KCNAB1: variants seen among roughly 807,000 people sequenced by gnomAD.
KCNAB1 encodes the protein potassium voltage-gated channel subfamily A regulatory beta subunit 1, also known as voltage-gated potassium channel subunit beta-1.
Under a neutral mutation model 64.6 loss-of-function variants are expected in KCNAB1, and 35 were observed. That is an observed-to-expected ratio of 0.54 (90% CI 0.41 to 0.72). KCNAB1 has a LOEUF of 0.72. Among genes scored for constraint, KCNAB1 ranks in the 30% least tolerant of loss-of-function variants. KCNAB1 has a pLI of 0.00. For missense variants in KCNAB1, 401 were observed against 512.9 expected (o/e 0.78, Z 2.11); for synonymous variants, 177 against 183.8 (o/e 0.96, Z 0.30).
At chr3:156,147,949 A>G (rs1715138974) in intron 1 of KCNAB1, among the ~76,000 whole-genome samples, 1 of 137,880 alleles carries the variant, frequency 7.3e-6, no homozygotes, top group South Asian at 2.7e-4. Flanking sequence ...AGACACACAC[A>G]CACACACACA....
chr3:156,432,553 G>A (rs975593828), intron 2 of KCNAB1, among the ~76,000 whole-genome samples: 1 of 152,188 alleles, frequency 6.6e-6, no homozygotes, highest in South Asian at 2.1e-4. Context: ...ATAATTATAG[G>A]AAATGGGTGA....
chr3:156,242,869 T>G (rs1385619385), intron 1 of KCNAB1, among the ~76,000 whole-genome samples: 1 of 151,740 alleles, frequency 6.6e-6, no homozygotes, highest in East Asian at 1.9e-4. Flanking sequence ...AGATGTCTGA[T>G]CATCCTTGAT....
intron 1 of KCNAB1, among the ~76,000 whole-genome samples, chr3:156,248,233 C>T (rs1238843415): frequency 1.3e-5 from 2 of 152,162 alleles, no homozygotes; most frequent in Admixed American, 6.5e-5. Flanking sequence ...TTACTAATTG[C>T]AATGTAGCAT....
At chr3:156,124,490 T>G (rs13066628) in intron 1 of KCNAB1, among the ~76,000 whole-genome samples, 1 of 152,160 alleles carries the variant, frequency 6.6e-6, no homozygotes, top group African/African-American at 2.4e-5. Flanking sequence ...GAGCTGGAAT[T>G]ACAGGTGTGA....
At chr3:156,276,420 C>T (rs1028745535) in intron 1 of KCNAB1, among the ~76,000 whole-genome samples, 1 of 152,062 alleles carries the variant, frequency 6.6e-6, no homozygotes, top group African/African-American at 2.4e-5. Flanking sequence ...GCTGCATTAG[C>T]CCCTATTAAG....
chr3:156,168,756 A>G (rs1198924319), intron 1 of KCNAB1, among the ~76,000 whole-genome samples: 10 of 152,226 alleles, frequency 6.6e-5, no homozygotes, highest in African/African-American at 2.4e-4. Context: ...TCTTTTTAGG[A>G]CAGCAGAATT....
chr3:156,468,981 G>T (rs1713650973), intron 7 of KCNAB1, among the ~76,000 whole-genome samples: 1 of 152,224 alleles, frequency 6.6e-6, no homozygotes, highest in East Asian at 1.9e-4. Context: ...AATAACTCAA[G>T]TCAGCTTACA....
At chr3:156,371,021 T>C (rs1726268626) in intron 1 of KCNAB1, among the ~76,000 whole-genome samples, 1 of 152,208 alleles carries the variant, frequency 6.6e-6, no homozygotes, top group African/African-American at 2.4e-5. Flanking sequence ...CTGTGTTCCA[T>C]GGTACAAACC....
intron 13 of KCNAB1, among the ~76,000 whole-genome samples, chr3:156,533,434 A>G (rs1364981777): frequency 1.3e-5 from 2 of 152,178 alleles, no homozygotes; most frequent in Non-Finnish European, 2.9e-5. Context: ...ACTGCCAGCT[A>G]AGGCCAATGT....
intron 1 of KCNAB1, among the ~76,000 whole-genome samples, chr3:156,390,608 A>G (rs1040902997): frequency 6.7e-6 from 1 of 149,896 alleles, no homozygotes; most frequent in Non-Finnish European, 1.5e-5. Context: ...CTTGAGACGG[A>G]GTCTCGCTCT....
At chr3:156,154,025 T>C (rs1363442038) in intron 1 of KCNAB1, among the ~76,000 whole-genome samples, 1 of 152,206 alleles carries the variant, frequency 6.6e-6, no homozygotes, top group East Asian at 1.9e-4. Flanking sequence ...GTAACATAGA[T>C]TTCTCATTGT....
At chr3:156,474,481 C>G (rs1388710537) in intron 7 of KCNAB1, among the ~76,000 whole-genome samples, 1 of 152,104 alleles carries the variant, frequency 6.6e-6, no homozygotes, top group African/African-American at 2.4e-5. Flanking sequence ...GAAGGTCATT[C>G]CTAAGTGTAT....
At chr3:156,260,184 G>A (rs1342664883) in intron 1 of KCNAB1, among the ~76,000 whole-genome samples, 1 of 152,104 alleles carries the variant, frequency 6.6e-6, no homozygotes, top group African/African-American at 2.4e-5. Flanking sequence ...TGCTTCTGAC[G>A]TGTAAAGGAA....
intron 1 of KCNAB1, chr3:156,382,271 G>T (rs1012814744): frequency 1.3e-5 from 2 of 152,090 alleles, no homozygotes; most frequent in African/African-American, 2.4e-5. Context: ...ATCACCTGAG[G>T]TCGGGAGTTT....
intron 1 of KCNAB1, among the ~76,000 whole-genome samples, chr3:156,158,533 T>C (rs1715891813): frequency 6.6e-6 from 1 of 151,778 alleles, no homozygotes; most frequent in African/African-American, 2.4e-5. Context: ...ATATAACTTG[T>C]TTTTTTTGCA....
At chr3:156,391,759 C>T (rs971559282) in intron 1 of KCNAB1, among the ~76,000 whole-genome samples, 2 of 152,138 alleles carry the variant, frequency 1.3e-5, no homozygotes, top group African/African-American at 2.4e-5. Flanking sequence ...CTTCACATCT[C>T]CCTGAAAGTA....
Position 156,269,785 on chromosome 3 carries a change from A to G in KCNAB1, c.275+148899A>G, listed in dbSNP as rs561465810. ...AAGTTATTTTGTCTGATACAGGTGTAGCTACTCTTGCTCTTTTTTGGTTTC... is the reference window on the plus strand; with the variant it reads ...AAGTTATTTTGTCTGATACAGGTGTGGCTACTCTTGCTCTTTTTTGGTTTC... On this transcript the variant is annotated intron_variant, in intron 1 of 13. Transcript: ENST00000490337. Among the ~76,000 whole-genome samples the G allele has an allele frequency of 4.3e-4, 66 of 152,120 alleles. 1 individual carries two copies. In the South Asian group the frequency reaches 5.4e-3, roughly 12 times the overall value.
At chr3:156,356,267 A>G (rs1310680794) in intron 1 of KCNAB1, among the ~76,000 whole-genome samples, 2 of 152,204 alleles carry the variant, frequency 1.3e-5, no homozygotes, top group South Asian at 2.1e-4. Context: ...GTCATAATGC[A>G]TAACTTATGG....
chr3:156,282,185 C>G (rs1719767595), intron 1 of KCNAB1, among the ~76,000 whole-genome samples: 1 of 145,926 alleles, frequency 6.9e-6, no homozygotes, highest in Non-Finnish European at 1.5e-5. Flanking sequence ...TCGTTGGTTT[C>G]AAAGAACATC....
Sources: allele counts gnomAD v4.1 joint callset (sites outside exome capture counted in the v4.1 genomes callset), GRCh38; gene constraint gnomAD v4.1.1; transcripts MANE v1.5; gene names NCBI Gene and HGNC (gene_info 2026-07-23, HGNC 2026-07-21).